Variants in HTR7 observed in about 807,000 individuals in gnomAD.
The protein encoded by HTR7 is 5-hydroxytryptamine receptor 7.
In HTR7, 16 loss-of-function variants were observed where a neutral mutation model predicts 34.0. The observed-to-expected ratio is 0.47, with a 90% confidence interval of 0.32 to 0.71. The LOEUF (loss-of-function observed/expected upper bound fraction) is 0.71. Among genes scored for constraint, HTR7 ranks in the 30% least tolerant of loss-of-function variants. HTR7 has a pLI of 0.04. For missense variants in HTR7, 504 were observed against 625.5 expected (o/e 0.81, Z 2.07); for synonymous variants, 265 against 260.2 (o/e 1.02, Z -0.18).
At chr10:90,848,455 A>C (rs1846447048) in intron 1 of HTR7, among the ~76,000 whole-genome samples, 1 of 152,206 alleles carries the variant, frequency 6.6e-6, no homozygotes, top group African/African-American at 2.4e-5. Flanking sequence ...TTGTCTATTT[A>C]AAATTTTTAT....
intron 2 of HTR7, among the ~76,000 whole-genome samples, chr10:90,744,647 G>C (rs1034295928): frequency 1.3e-5 from 2 of 152,026 alleles, no homozygotes; most frequent in African/African-American, 4.8e-5. Flanking sequence ...CCTCTACCCA[G>C]TAGATGCCAG....
chr10:90,810,424 A>G (rs966934611), intron 1 of HTR7, among the ~76,000 whole-genome samples: 72 of 152,160 alleles, frequency 4.7e-4, no homozygotes, highest in Non-Finnish European at 8.5e-4. Context: ...ATCCCATCCC[A>G]CAGCACGCTT....
intron 1 of HTR7, among the ~76,000 whole-genome samples, chr10:90,770,515 G>A (rs1845092125): frequency 6.6e-6 from 1 of 152,198 alleles, no homozygotes; most frequent in African/African-American, 2.4e-5. Flanking sequence ...CCAACCCCTT[G>A]GGTTGTCTGC....
chr10:90,782,697 T>C (rs1286942282), intron 1 of HTR7, among the ~76,000 whole-genome samples: 1 of 152,230 alleles, frequency 6.6e-6, no homozygotes, highest in African/African-American at 2.4e-5. Flanking sequence ...GGTAAACCCC[T>C]GATCCATGGA....
intron 1 of HTR7, among the ~76,000 whole-genome samples, chr10:90,804,960 A>T (rs1422995846): frequency 6.6e-6 from 1 of 152,154 alleles, no homozygotes; most frequent in African/African-American, 2.4e-5. Context: ...TGTTGGGAGG[A>T]AAATTTTGTT....
At chr10:90,817,956 T>C (rs1043555418) in intron 1 of HTR7, among the ~76,000 whole-genome samples, 1 of 152,162 alleles carries the variant, frequency 6.6e-6, no homozygotes, top group African/African-American at 2.4e-5. Flanking sequence ...AAAGAAGATA[T>C]ACACAAAAGA....
chr10:90,761,125 C>T (rs1029329819), intron 1 of HTR7, among the ~76,000 whole-genome samples: 1 of 152,110 alleles, frequency 6.6e-6, no homozygotes, highest in African/African-American at 2.4e-5. Context: ...AACTAACCAG[C>T]TAGCCAGCCA....
intron 1 of HTR7, among the ~76,000 whole-genome samples, chr10:90,852,566 T>G (rs780696726): frequency 6.6e-6 from 1 of 152,198 alleles, no homozygotes; most frequent in African/African-American, 2.4e-5. Flanking sequence ...GCAGCACTAT[T>G]AGAGATAGCC....
intron 1 of HTR7, among the ~76,000 whole-genome samples, chr10:90,752,177 AT>A (rs1844749146): frequency 6.6e-6 from 1 of 152,114 alleles, no homozygotes; most frequent in Non-Finnish European, 1.5e-5. Flanking sequence ...TAAGGCTAAA[AT>A]CAACTGAAAT....
chr10:90,847,708 T>A (rs1846430452), intron 1 of HTR7, among the ~76,000 whole-genome samples: 1 of 151,998 alleles, frequency 6.6e-6, no homozygotes, highest in Admixed American at 6.6e-5. Flanking sequence ...GGCAGATGAG[T>A]TCCTGTAACC....
At chr10:90,828,955 G>C (rs1370517596) in intron 1 of HTR7, among the ~76,000 whole-genome samples, 2 of 151,726 alleles carry the variant, frequency 1.3e-5, no homozygotes, top group East Asian at 3.9e-4. Context: ...GAAAAAAAAA[G>C]TACAGGCTAA....
At chr10:90,836,851 G>A (rs1479018344) in intron 1 of HTR7, among the ~76,000 whole-genome samples, 1 of 152,156 alleles carries the variant, frequency 6.6e-6, no homozygotes, top group East Asian at 1.9e-4. Context: ...ACTCTACAGT[G>A]ATATTTCTAT....
chr10:90,800,405 G>A (rs1199130534), intron 1 of HTR7, among the ~76,000 whole-genome samples: 1 of 152,130 alleles, frequency 6.6e-6, no homozygotes, highest in Non-Finnish European at 1.5e-5. Context: ...TGGAAGCTGA[G>A]TCACAGTGAC....
intron 1 of HTR7, among the ~76,000 whole-genome samples, chr10:90,764,014 G>T (rs1201969879): frequency 2.0e-5 from 3 of 152,132 alleles, no homozygotes; most frequent in Admixed American, 6.5e-5. Flanking sequence ...TCTGCTTCTA[G>T]GTCCTTGAGG....
At chr10:90,839,501 G>T (rs895546508) in intron 1 of HTR7, among the ~76,000 whole-genome samples, 2 of 152,162 alleles carry the variant, frequency 1.3e-5, no homozygotes, top group African/African-American at 4.8e-5. Context: ...TTTAGAGAAT[G>T]GAATATGTTA....
At chr10:90,750,003 G>A (rs919903048) in intron 1 of HTR7, among the ~76,000 whole-genome samples, 2 of 152,124 alleles carry the variant, frequency 1.3e-5, no homozygotes, top group Non-Finnish European at 2.9e-5. Flanking sequence ...CCACACTCTG[G>A]TATTATACAC....
chr10:90,764,701 T>C (rs1427654601), intron 1 of HTR7, among the ~76,000 whole-genome samples: 1 of 152,192 alleles, frequency 6.6e-6, no homozygotes. Flanking sequence ...CTTCCAGCAC[T>C]ATGTTGAACA....
chr10:90,779,404 C>T (rs1487156668), intron 1 of HTR7, among the ~76,000 whole-genome samples: 1 of 152,214 alleles, frequency 6.6e-6, no homozygotes, highest in Non-Finnish European at 1.5e-5. Flanking sequence ...AAGGCCTTCC[C>T]TGCTCTGACC....
intron 1 of HTR7, among the ~76,000 whole-genome samples, chr10:90,819,003 TC>T (rs1479763002): frequency 6.6e-6 from 1 of 152,122 alleles, no homozygotes; most frequent in Non-Finnish European, 1.5e-5. Flanking sequence ...TCCTGAGGCC[TC>T]CCCAGCCATG....
Sources: allele counts gnomAD v4.1 joint callset (sites outside exome capture counted in the v4.1 genomes callset), GRCh38; gene constraint gnomAD v4.1.1; transcripts MANE v1.5; gene names NCBI Gene and HGNC (gene_info 2026-07-23, HGNC 2026-07-21).